Variants in AIG1 observed in about 807,000 individuals in gnomAD.
AIG1 encodes the protein androgen-induced gene 1 protein.
Under a neutral mutation model 31.4 loss-of-function variants are expected in AIG1, and 23 were observed. The ratio of observed to expected loss-of-function variants is 0.73; its 90% CI spans 0.53 to 1.04. The LOEUF (loss-of-function observed/expected upper bound fraction) is 1.04. AIG1 is among the 50% of genes least tolerant of loss of function. AIG1 has a pLI of 0.00. For synonymous variants in AIG1, 100 were observed against 110.5 expected (o/e 0.90, Z 0.60); for missense variants, 274 against 295.0 (o/e 0.93, Z 0.52).
At chr6:143,168,415 AC>A (rs1787172001) in intron 3 of AIG1, among the ~76,000 whole-genome samples, 1 of 89,662 alleles carries the variant, frequency 1.1e-5, no homozygotes. Flanking sequence ...CCCTCCCCCC[AC>A]CCCACAACAG....
At chr6:143,310,539 T>G (rs9496580) in intron 4 of AIG1, among the ~76,000 whole-genome samples, 2 of 151,436 alleles carry the variant, frequency 1.3e-5, no homozygotes, top group African/African-American at 4.8e-5. Context: ...TATTAGAAGT[T>G]TCTAATCTGA....
At chr6:143,086,790 G>A (rs777191252) in intron 1 of AIG1, among the ~76,000 whole-genome samples, 7 of 152,198 alleles carry the variant, frequency 4.6e-5, no homozygotes, top group Non-Finnish European at 5.9e-5. Flanking sequence ...CAAGAAAGTT[G>A]TGGTCGGGAC....
At chr6:143,242,495 G>A (rs2128640289) in intron 3 of AIG1, among the ~76,000 whole-genome samples, 1 of 152,332 alleles carries the variant, frequency 6.6e-6, no homozygotes, top group South Asian at 2.1e-4. Context: ...GTTAATCAAA[G>A]TACAAAGAGG....
chr6:143,148,337 CAAAAAAAAA>C (rs527337431), intron 2 of AIG1, among the ~76,000 whole-genome samples: 4 of 46,384 alleles, frequency 8.6e-5, no homozygotes, highest in East Asian at 6.3e-4. Flanking sequence ...CCCATCTCTA[CAAAAAAAAA>C]AAAAAAAAAA....
intron 3 of AIG1, among the ~76,000 whole-genome samples, chr6:143,263,095 A>T (rs1485757970): frequency 1.3e-5 from 2 of 152,132 alleles, no homozygotes; most frequent in Non-Finnish European, 2.9e-5. Flanking sequence ...TATAAGGAAG[A>T]TCCGATTAGT....
At chr6:143,282,022 A>G (rs548868449) in intron 3 of AIG1, among the ~76,000 whole-genome samples, 8 of 152,362 alleles carry the variant, frequency 5.3e-5, no homozygotes, top group Middle Eastern at 3.4e-3. Context: ...TCCCAGATAC[A>G]TCTGATCATC....
chr6:143,340,956 A>C lies in AIG1; in HGVS notation c.*1280A>C, dbSNP rs1201933516. ...TATAATTACATTTTAAAATTAAAAA[A>C]TGAAAAGCATTAAACTTTTTAATTT... is the stretch of plus-strand genomic sequence containing the variant. On this transcript the variant is annotated 3_prime_UTR_variant, in exon 6 of 6. Coordinates refer to ENST00000357847, the MANE Select transcript of AIG1 (RefSeq NM_016108.4). Among the ~76,000 whole-genome samples the C allele has an allele frequency of 1.3e-5, 2 of 152,196 alleles. No homozygotes were observed. Among genetic ancestry groups the C allele is most frequent in the African/African-American group, 4.8e-5 (2 of 41,446 alleles).
chr6:143,331,209 A>G lies in AIG1; in HGVS notation c.516-2073A>G, dbSNP rs1777047337. Among the ~76,000 whole-genome samples the G allele has an allele frequency of 6.6e-6, 1 of 151,848 alleles. No individual in the cohort carries two copies. The highest frequency in any genetic ancestry group is 2.4e-5 in the African/African-American group (1 of 41,314). ...TGTGCTAAAATATACATAACATAATATTTGTCATTTTAGCTATTTGCAAGT... is the reference window on the plus strand; with the variant it reads ...TGTGCTAAAATATACATAACATAATGTTTGTCATTTTAGCTATTTGCAAGT... On this transcript the variant is annotated intron_variant, in intron 4 of 5. Coordinates refer to ENST00000357847, the MANE Select transcript of AIG1 (RefSeq NM_016108.4). This position sits in a 1 kb window ranked among gnomAD's most constrained non-coding sequence, Gnocchi z 4.1.
At chr6:143,233,771 A>G (rs1205728052) in intron 3 of AIG1, among the ~76,000 whole-genome samples, 1 of 152,210 alleles carries the variant, frequency 6.6e-6, no homozygotes, top group Non-Finnish European at 1.5e-5. Flanking sequence ...CTGTTTACAC[A>G]TTCAGATAGG....
rs140733278 is a variant in AIG1 at position 143,263,619 on chromosome 6, G to A, written c.400-20491G>A. Among the ~76,000 whole-genome samples, 234 of 152,124 alleles carry A rather than the reference G, an allele frequency of 1.5e-3. 1 individual carries two copies. Among genetic ancestry groups the A allele is most frequent in the African/African-American group, 5.3e-3 (218 of 41,516 alleles). ...TCATGGTTCTTCAGACAAAGGAATC[G>A]GTGTTAACATTATGATGTGCTCCTT... is the stretch of plus-strand genomic sequence containing the variant. On this transcript the variant is annotated intron_variant, in intron 3 of 5. Coordinates refer to ENST00000357847, the MANE Select transcript of AIG1 (RefSeq NM_016108.4).
intron 2 of AIG1, among the ~76,000 whole-genome samples, chr6:143,154,668 C>T (rs1785553514): frequency 6.6e-6 from 1 of 152,042 alleles, no homozygotes; most frequent in Non-Finnish European, 1.5e-5. Flanking sequence ...CTGGTGAAAC[C>T]CGAATTTGGT....
chr6:143,118,751 T>G (rs530227181), intron 1 of AIG1, among the ~76,000 whole-genome samples: 1 of 152,246 alleles, frequency 6.6e-6, no homozygotes, highest in East Asian at 1.9e-4. Flanking sequence ...AGTAACTAAG[T>G]CCTATGATCC....
At chr6:143,236,778 C>T (rs1793838115) in intron 3 of AIG1, among the ~76,000 whole-genome samples, 1 of 152,186 alleles carries the variant, frequency 6.6e-6, no homozygotes, top group Admixed American at 6.5e-5. Context: ...ATCAAGTCAA[C>T]CTAAATGACA....
intron 1 of AIG1, among the ~76,000 whole-genome samples, chr6:143,116,530 A>T (rs1039104815): frequency 6.6e-6 from 1 of 151,660 alleles, no homozygotes; most frequent in Non-Finnish European, 1.5e-5. Context: ...CTGCCATGAA[A>T]TTTTTAAAAG....
chr6:143,286,695 A>G (rs866211371), intron 4 of AIG1, among the ~76,000 whole-genome samples: 2 of 152,278 alleles, frequency 1.3e-5, no homozygotes, highest in South Asian at 2.1e-4. Flanking sequence ...GATGAAAGAA[A>G]GCATTCCTCT....
intron 3 of AIG1, among the ~76,000 whole-genome samples, chr6:143,215,904 C>G (rs1791991678): frequency 6.6e-6 from 1 of 152,166 alleles, no homozygotes; most frequent in Non-Finnish European, 1.5e-5. Context: ...AACTCCTCAG[C>G]TCTGCTGTCA....
At chr6:143,162,467 T>C (rs1786471732) in intron 2 of AIG1, among the ~76,000 whole-genome samples, 1 of 152,210 alleles carries the variant, frequency 6.6e-6, no homozygotes, top group Admixed American at 6.5e-5. Flanking sequence ...AAGAACACAG[T>C]GGGAGCCTAT....
chr6:143,270,580 G>A (rs989102059), intron 3 of AIG1, among the ~76,000 whole-genome samples: 12 of 152,270 alleles, frequency 7.9e-5, no homozygotes, highest in African/African-American at 2.9e-4. Context: ...TAATCTTTGG[G>A]AGAACTCTAG....
chr6:143,213,317 C>T (rs2128617666), intron 3 of AIG1, among the ~76,000 whole-genome samples: 1 of 152,112 alleles, frequency 6.6e-6, no homozygotes, highest in South Asian at 2.1e-4. Flanking sequence ...CTGTTGCTGA[C>T]TTCAAGGATC....
Sources: gnomAD v4.1 joint callset for allele counts (sites outside exome capture counted in the v4.1 genomes callset) on GRCh38, gnomAD v4.1.1 for gene constraint, Gnocchi (gnomAD v3.1) non-coding constraint, MANE v1.5 for transcripts, NCBI Gene and HGNC (gene_info 2026-07-23, HGNC 2026-07-21) for gene names.